The following NKAIN3 variants were observed in gnomAD, a reference collection of about 807,000 sequenced individuals.
The protein encoded by NKAIN3 is sodium/potassium transporting ATPase interacting 3, also known as sodium/potassium-transporting ATPase subunit beta-1-interacting protein 3.
Under a neutral mutation model 30.2 loss-of-function variants are expected in NKAIN3, and 25 were observed. The ratio of observed to expected loss-of-function variants is 0.83; its 90% CI spans 0.60 to 1.16. The LOEUF (loss-of-function observed/expected upper bound fraction) is 1.16. NKAIN3 is among the 50% of genes most tolerant of loss of function. The pLI is 0.00. For missense variants in NKAIN3, 225 were observed against 254.1 expected (o/e 0.89, Z 0.78); for synonymous variants, 91 against 89.6 (o/e 1.02, Z -0.09).
intron 1 of NKAIN3, among the ~76,000 whole-genome samples, chr8:62,555,009 TATACACACACACACACACAC>T (rs1809340081): frequency 9.6e-6 from 1 of 104,624 alleles, no homozygotes; most frequent in African/African-American, 3.2e-5. Context: ...TGGCAGAATC[TATACACACACACACACACAC>T]ACACACACAC....
intron 1 of NKAIN3, among the ~76,000 whole-genome samples, chr8:62,503,717 T>G (rs977699395): frequency 2.6e-5 from 4 of 152,132 alleles, no homozygotes; most frequent in Admixed American, 6.6e-5. Context: ...TCTACTTGCA[T>G]GTCCATTTAT....
chr8:62,482,696 G>A (rs1219808115), intron 1 of NKAIN3: 1 of 152,272 alleles, frequency 6.6e-6, no homozygotes, highest in Non-Finnish European at 1.5e-5. Flanking sequence ...CAGTGGCCCT[G>A]GTTGGCAGGC....
intron 1 of NKAIN3, among the ~76,000 whole-genome samples, chr8:62,331,079 GTCTC>G (rs1303720351): frequency 8.0e-6 from 1 of 124,838 alleles, no homozygotes; most frequent in Non-Finnish European, 1.7e-5. Context: ...CTCTCTCTCT[GTCTC>G]TCTCTCTCTC....
At chr8:62,415,094 T>C (rs1038441551) in intron 1 of NKAIN3, among the ~76,000 whole-genome samples, 1 of 141,908 alleles carries the variant, frequency 7.0e-6, no homozygotes, top group East Asian at 2.0e-4. Context: ...TATACTATAT[T>C]ACATATAATA....
At chr8:62,879,657 C>G (rs1359489189) in intron 4 of NKAIN3, among the ~76,000 whole-genome samples, 1 of 152,088 alleles carries the variant, frequency 6.6e-6, no homozygotes, top group Non-Finnish European at 1.5e-5. Flanking sequence ...TTGGCTTGCC[C>G]CTGTGAATAG....
chr8:62,881,757 C>T (rs974090519), intron 4 of NKAIN3, among the ~76,000 whole-genome samples: 1 of 152,138 alleles, frequency 6.6e-6, no homozygotes. Flanking sequence ...TACCAAAAGG[C>T]GTGATTGCTG....
chr8:62,653,926 G>C (rs571492283), intron 3 of NKAIN3, among the ~76,000 whole-genome samples: 9 of 151,674 alleles, frequency 5.9e-5, no homozygotes, highest in African/African-American at 1.9e-4. Flanking sequence ...TGGACTCAAG[G>C]GTTCTAACCA....
intron 3 of NKAIN3, among the ~76,000 whole-genome samples, chr8:62,702,616 A>G (rs940534712): frequency 2.6e-5 from 4 of 152,182 alleles, no homozygotes; most frequent in African/African-American, 7.2e-5. Context: ...GATGGTTTCA[A>G]ATTTGAAATT....
chr8:62,661,512 T>A (rs1378401371), intron 3 of NKAIN3, among the ~76,000 whole-genome samples: 1 of 152,210 alleles, frequency 6.6e-6, no homozygotes, highest in African/African-American at 2.4e-5. Context: ...AGATTTAAAC[T>A]TAGCAGTCTT....
intron 4 of NKAIN3, chr8:62,856,082 T>C: frequency 2.8e-6 from 2 of 704,304 alleles, no homozygotes; most frequent in Non-Finnish European, 5.2e-6. Context: ...GCATCAAACC[T>C]GGATCATCAA....
intron 4 of NKAIN3, among the ~76,000 whole-genome samples, chr8:62,769,874 T>A (rs76216208): frequency 0.026 from 4,026 of 152,280 alleles, 187 homozygotes; most frequent in African/African-American, 0.091. Flanking sequence ...TCTTCTATCC[T>A]AGAATATGTA....
intron 1 of NKAIN3, among the ~76,000 whole-genome samples, chr8:62,287,338 A>T (rs2129399118): frequency 6.6e-6 from 1 of 152,050 alleles, no homozygotes; most frequent in East Asian, 2.0e-4. Flanking sequence ...ATTAATATGG[A>T]GTTTGGGTTA....
At chr8:62,359,550 T>C (rs1816480735) in intron 1 of NKAIN3, among the ~76,000 whole-genome samples, 1 of 152,174 alleles carries the variant, frequency 6.6e-6, no homozygotes, top group Admixed American at 6.5e-5. Flanking sequence ...AGAGGACAGA[T>C]AGAGACCATG....
In NKAIN3 at chr8:62,454,301, C is replaced by CAAAAAAAAAAAAAAAAAAAAAAAAA. The variant is rs201511724; in HGVS notation, c.55-125216_55-125215insAAAAAAAAAAAAAAAAAAAAAAAAA. On this transcript the variant is annotated intron_variant, in intron 1 of 6. Coordinates refer to ENST00000623646, the MANE Select transcript of NKAIN3 (RefSeq NM_001304533.3). ...ACCAACACTAACAATAGCTGATGTG[C>CAAAAAAAAAAAAAAAAAAAAAAAAA]AAAAAAAAAAAAAAAAAAAAAATCT... 4.7e-3 allele frequency among the ~76,000 whole-genome samples: 266 copies of CAAAAAAAAAAAAAAAAAAAAAAAAA among 56,106 alleles called. 28 individuals are homozygous for CAAAAAAAAAAAAAAAAAAAAAAAAA. Among genetic ancestry groups the CAAAAAAAAAAAAAAAAAAAAAAAAA allele is most frequent in the Middle Eastern group, 0.01 (1 of 96 alleles). 36.8% of individuals were successfully genotyped at this position (56,106 alleles called of 152,430 possible). A position where few individuals can be genotyped will look rare whatever the true frequency, so the allele number is the denominator to read the frequency against.
At chr8:62,765,261 A>G (rs923058416) in intron 4 of NKAIN3, among the ~76,000 whole-genome samples, 6 of 148,564 alleles carry the variant, frequency 4.0e-5, no homozygotes, top group African/African-American at 1.2e-4. Context: ...AAAAAAAAAA[A>G]AAAAAGAAAA....
chr8:62,279,708 G>A (rs1813103676), intron 1 of NKAIN3, among the ~76,000 whole-genome samples: 1 of 152,078 alleles, frequency 6.6e-6, no homozygotes, highest in South Asian at 2.1e-4. Context: ...ATTTCTGAGA[G>A]CTCTGTTCTG....
chr8:62,415,274 A>G (rs929974380), intron 1 of NKAIN3, among the ~76,000 whole-genome samples: 1 of 144,490 alleles, frequency 6.9e-6, no homozygotes, highest in Non-Finnish European at 1.5e-5. Context: ...ACACTATAGT[A>G]TATATTATAT....
intron 3 of NKAIN3, among the ~76,000 whole-genome samples, chr8:62,633,006 G>T (rs1812014717): frequency 6.6e-6 from 1 of 152,106 alleles, no homozygotes; most frequent in South Asian, 2.1e-4. Context: ...GGCACAGCAG[G>T]GTGGATCAAT....
At chr8:62,746,497 C>T (rs1816075721) in intron 3 of NKAIN3, among the ~76,000 whole-genome samples, 1 of 152,196 alleles carries the variant, frequency 6.6e-6, no homozygotes, top group South Asian at 2.1e-4. Flanking sequence ...CCTACATGAA[C>T]ATTCAAGAAT....
Sources: allele counts gnomAD v4.1 joint callset (sites outside exome capture counted in the v4.1 genomes callset), GRCh38; gene constraint gnomAD v4.1.1; transcripts MANE v1.5; gene names NCBI Gene and HGNC (gene_info 2026-07-23, HGNC 2026-07-21).